Variants in COPG2 observed in about 807,000 individuals in gnomAD.
COPG2 encodes coat protein complex I subunit gamma 2, also known as coatomer subunit gamma-2.
A neutral mutation model predicts 46.3 loss-of-function variants in COPG2; 37 were observed. That is an observed-to-expected ratio of 0.80 (90% CI 0.61 to 1.05). COPG2 has a LOEUF of 1.05. COPG2 is among the 50% of genes least tolerant of loss of function. The probability of loss-of-function intolerance (pLI) is 0.00; values close to 1 mark genes in which losing one functional copy is unlikely to be tolerated. For synonymous variants in COPG2, 159 were observed against 129.7 expected, an observed-to-expected ratio of 1.23 and a Z score of -1.53; for missense variants, 427 against 387.8, an observed-to-expected ratio of 1.10 and a Z score of -0.85.
At chr7:130,509,569 T>A (rs1016375628) in intron 20 of COPG2, 1 of 431,484 alleles carries the variant, frequency 2.3e-6, no homozygotes, top group African/African-American at 2.0e-5. Context: ...AAGACTTTCA[T>A]CTGCTCAGTC....
chr7:130,643,077 A>G (rs1281263841), intron 5 of COPG2, among the ~76,000 whole-genome samples: 2 of 151,692 alleles, frequency 1.3e-5, no homozygotes, highest in African/African-American at 4.8e-5. Flanking sequence ...CGGGCGGATC[A>G]TGAGGTCAGG....
intron 20 of COPG2, among the ~76,000 whole-genome samples, chr7:130,524,724 A>T (rs945560021): frequency 1.3e-5 from 2 of 152,128 alleles, no homozygotes; most frequent in Non-Finnish European, 2.9e-5. Context: ...GCAAGGAATG[A>T]AAGAGAGGTG....
intron 5 of COPG2, among the ~76,000 whole-genome samples, chr7:130,633,300 G>C (rs1795265517): frequency 1.3e-5 from 2 of 152,124 alleles, no homozygotes. Flanking sequence ...TCTGGTTCTA[G>C]ATCCTTGAGG....
intron 9 of COPG2, among the ~76,000 whole-genome samples, chr7:130,592,395 CAA>C (rs1187335882): frequency 1.3e-3 from 99 of 74,936 alleles, no homozygotes; most frequent in African/African-American, 3.7e-3. Flanking sequence ...CAAGAATGAT[CAA>C]AAAAAAAAAA....
intron 20 of COPG2, among the ~76,000 whole-genome samples, chr7:130,542,532 G>A (rs1793351517): frequency 6.6e-6 from 1 of 152,042 alleles, no homozygotes; most frequent in Non-Finnish European, 1.5e-5. Context: ...GGGCAGGAAG[G>A]GGTCAGAGTT....
intron 12 of COPG2, among the ~76,000 whole-genome samples, chr7:130,558,492 A>G (rs1793666279): frequency 6.6e-6 from 1 of 152,154 alleles, no homozygotes; most frequent in African/African-American, 2.4e-5. Context: ...TTTTCTTTAT[A>G]AATTACACAG....
intron 9 of COPG2, among the ~76,000 whole-genome samples, chr7:130,595,884 G>T (rs534429997): frequency 6.6e-6 from 1 of 152,288 alleles, no homozygotes; most frequent in Admixed American, 6.5e-5. Flanking sequence ...ACCACCAGCA[G>T]TTGGTAAGTC....
In COPG2 at chr7:130,608,580, T is replaced by C. The variant is rs1462739136; in HGVS notation, c.737+2373A>G. On this transcript the variant is annotated intron_variant, in intron 9 of 23. Transcript: ENST00000425248. ...CATTTGGAAGAATACTTTTAGAGTATAGAACTCCAGATTTTCAGTTATTTG... is the reference window on the plus strand; with the variant it reads ...CATTTGGAAGAATACTTTTAGAGTACAGAACTCCAGATTTTCAGTTATTTG... 3.3e-5 allele frequency among the ~76,000 whole-genome samples: 5 copies of C among 152,352 alleles called. No homozygotes were observed. The East Asian group carries it at 5.8e-4, about 18-fold the overall frequency.
At chr7:130,535,342 G>A (rs959628769) in intron 20 of COPG2, among the ~76,000 whole-genome samples, 1 of 152,012 alleles carries the variant, frequency 6.6e-6, no homozygotes, top group Non-Finnish European at 1.5e-5. Flanking sequence ...CAGGGTGGAG[G>A]GGCCTCCAGG....
intron 9 of COPG2, 152 bp from the exon 10 acceptor site, chr7:130,564,545 C>G (rs974635946): frequency 3.3e-5 from 13 of 395,990 alleles, no homozygotes; most frequent in Non-Finnish European, 5.8e-5. Context: ...AATTAGAACA[C>G]TGGCAAAATT....
chr7:130,615,090 T>G (rs533812712), intron 6 of COPG2, among the ~76,000 whole-genome samples: 7 of 152,208 alleles, frequency 4.6e-5, no homozygotes, highest in African/African-American at 1.7e-4. Flanking sequence ...TGGCTCCAAG[T>G]TGGTGTAGCA....
chr7:130,568,070 A>G (rs1793832476), intron 9 of COPG2, among the ~76,000 whole-genome samples: 1 of 152,118 alleles, frequency 6.6e-6, no homozygotes, highest in Admixed American at 6.5e-5. Flanking sequence ...CGAGGTCAGG[A>G]GTTTGAGACC....
chr7:130,535,233 AGAG>A (rs1799867149), intron 20 of COPG2, among the ~76,000 whole-genome samples: 1 of 152,132 alleles, frequency 6.6e-6, no homozygotes, highest in Admixed American at 6.5e-5. Context: ...AAGGAAGCAA[AGAG>A]AAGAAATGTG....
At chr7:130,610,640 G>C (rs2116501941) in intron 9 of COPG2, 1 of 557,854 alleles carries the variant, frequency 1.8e-6, no homozygotes, top group South Asian at 1.4e-5. Flanking sequence ...AAATAAAAGG[G>C]ATAGGATAAT....
chr7:130,601,515 G>A lies in COPG2; in HGVS notation c.737+9438C>T, dbSNP rs906161986. Among the ~76,000 whole-genome samples, 3 of 152,188 alleles carry A rather than the reference G, an allele frequency of 2.0e-5. No homozygotes were observed. In the South Asian group the frequency reaches 6.2e-4, roughly 32 times the overall value. ...AGGATGAGTTCATGTCCTTTGCAGG[G>A]ACACGGATGAAACTGGAAACCATCA... is the stretch of plus-strand genomic sequence containing the variant. On this transcript the variant is annotated intron_variant, in intron 9 of 23. Coordinates refer to ENST00000425248, the MANE Select transcript of COPG2 (RefSeq NM_012133.6).
At chr7:130,626,847 A>T (rs1554454370) in intron 5 of COPG2, among the ~76,000 whole-genome samples, 1 of 152,058 alleles carries the variant, frequency 6.6e-6, no homozygotes, top group East Asian at 1.9e-4. Flanking sequence ...GGTCCTTTTA[A>T]ATTACATTTG....
At chr7:130,630,789 A>G (rs1344932306) in intron 5 of COPG2, among the ~76,000 whole-genome samples, 2 of 152,298 alleles carry the variant, frequency 1.3e-5, no homozygotes, top group East Asian at 3.9e-4. Flanking sequence ...AGCATGGTAT[A>G]TCTTGCTTCA....
chr7:130,594,523 T>A (rs1388273520), intron 9 of COPG2, among the ~76,000 whole-genome samples: 2 of 152,160 alleles, frequency 1.3e-5, no homozygotes, highest in African/African-American at 4.8e-5. Flanking sequence ...TTTATCAAAA[T>A]GTAAAACTTC....
chr7:130,577,033 G>A (rs1191352427), intron 9 of COPG2, among the ~76,000 whole-genome samples: 1 of 152,106 alleles, frequency 6.6e-6, no homozygotes, highest in Non-Finnish European at 1.5e-5. Context: ...TAAACTGCTG[G>A]AAAAATACAA....
Sources: allele counts gnomAD v4.1 joint callset (sites outside exome capture counted in the v4.1 genomes callset), GRCh38; gene constraint gnomAD v4.1.1; transcripts MANE v1.5; gene names NCBI Gene and HGNC (gene_info 2026-07-23, HGNC 2026-07-21).